The following ABCB8 variants were observed in gnomAD, a reference collection of about 807,000 sequenced individuals.
The protein encoded by ABCB8 is mitochondrial potassium channel ATP-binding subunit.
Under a neutral mutation model 73.0 loss-of-function variants are expected in ABCB8, and 52 were observed. The ratio of observed to expected loss-of-function variants is 0.71; its 90% confidence interval spans 0.57 to 0.90. The LOEUF is 0.90. ABCB8 is among the 40% of genes least tolerant of loss of function. ABCB8 has a pLI of 0.00. For synonymous variants in ABCB8, 428 were observed against 423.5 expected, an observed-to-expected ratio of 1.01 and a Z score of -0.13; for missense variants, 909 against 974.6, an observed-to-expected ratio of 0.93 and a Z score of 0.90.
intron 1 of ABCB8, chr7:151,033,378 T>G: frequency 7.2e-7 from 1 of 1,379,736 alleles, no homozygotes; most frequent in Admixed American, 3.1e-5. Flanking sequence ...GAATAAGACT[T>G]TTAAGACTAG....
Position 151,034,788 on chromosome 7 carries a change from G to C in ABCB8, c.724G>C (p.Val242Leu). Residue 242 changes from valine (V) to leucine (L), a missense_variant, in exon 5 of 16, where the codon GTG (valine) becomes CTG (leucine). Transcript: ENST00000358849. ...GCTGGTGAGCCGCTTGACAACTGAC[G>C]TGCAGGAGTTTAAGTCATCCTTCAA... ...GQLVSRLTTD[V>L]QEFKSSFKLV... The C allele has an allele frequency of 1.9e-6, 3 of 1,614,078 alleles. No homozygotes were observed. The highest frequency in any genetic ancestry group is 2.5e-6 in the Non-Finnish European group (3 of 1,179,968).
rs377682654 is a variant in ABCB8, at chr7:151,035,006, G to A, written c.765+177G>A. Among the ~76,000 whole-genome samples, 14 of 152,236 alleles carry A rather than the reference G, an allele frequency of 9.2e-5. No individual in the cohort carries two copies. In the East Asian group the frequency reaches 2.5e-3, roughly 27 times the overall value. On this transcript the variant is annotated intron_variant, in intron 5 of 15. Transcript: ENST00000358849. ...CCATGGAAGTTCATGGAAGGAAAGT[G>A]TAGAGGCAGTGTCCAAGGTCAGGAC...
intron 1 of ABCB8, chr7:151,032,713 T>A (rs1294324370): frequency 1.2e-5 from 2 of 169,864 alleles, no homozygotes; most frequent in Non-Finnish European, 2.6e-5. Flanking sequence ...AAAAACACAA[T>A]GTCTAGAATA....
intron 1 of ABCB8, chr7:151,029,047 G>A: frequency 8.8e-7 from 1 of 1,134,310 alleles, no homozygotes; most frequent in South Asian, 1.7e-5. Context: ...TAATAGGCCG[G>A]GCGCGGTGGC....
intron 1 of ABCB8, 109 bp downstream of exon 1, chr7:151,028,719 G>C (rs965778200): frequency 1.9e-6 from 3 of 1,547,640 alleles, no homozygotes; most frequent in Non-Finnish European, 2.6e-6. Context: ...GCTGGGAGCT[G>C]TAGGCCAGGC....
At chr7:151,035,494 C>T (rs1796277894) in intron 5 of ABCB8, 87 bp from the exon 6 acceptor site, 2 of 1,457,976 alleles carry the variant, frequency 1.4e-6, no homozygotes, top group South Asian at 1.3e-5. Flanking sequence ...CGTGGGAGTG[C>T]AGAGCTACAG....
In ABCB8 at chr7:151,034,273, C is replaced by G. The variant is rs756594037; in HGVS notation, c.409C>G (p.Leu137Val). 6.2e-7 allele frequency: 1 copy of G among 1,609,940 alleles called. No homozygotes were observed. Among genetic ancestry groups the G allele is most frequent in the Non-Finnish European group, 8.5e-7 (1 of 1,178,182 alleles). ...TGTGCCCTCTGTCTCCCCATTCCAG[C>G]TGGCCTTGGGTGCGGCACTCGTGAA... ...HLLVLGVAVV[L>V]ALGAALVNVQ... The change falls in exon 3 of 16, where the codon CTG becomes GTG. Residue 137 changes from leucine to valine, a missense_variant and splice_region_variant. Physicochemically the swap from Leu to Val is conservative, Grantham distance 32. Coordinates refer to ENST00000358849, the MANE Select transcript of ABCB8 (RefSeq NM_007188.5).
chr7:151,031,404 C>G (rs750822956), intron 1 of ABCB8: 50 of 1,382,622 alleles, frequency 3.6e-5, no homozygotes, highest in Non-Finnish European at 4.6e-5. Flanking sequence ...AAGGCACAGG[C>G]CTTCCTGAAA....
intron 2 of ABCB8, 150 bp downstream of exon 2, chr7:151,034,067 C>G: frequency 8.4e-7 from 1 of 1,187,850 alleles, no homozygotes; most frequent in Non-Finnish European, 1.1e-6. Context: ...AGCATCAACA[C>G]TGGGTGGCTG....
At chr7:151,032,893 T>G in intron 1 of ABCB8, 1 of 380,132 alleles carries the variant, frequency 2.6e-6, no homozygotes, top group Non-Finnish European at 5.5e-6. Flanking sequence ...GGAGGGGAGG[T>G]AGGGTAATGG....
rs768965078 is a variant in ABCB8 at position 151,036,602 on chromosome 7, A to G, written c.1170A>G (p.Thr390=). ...GGSLVAGQQL[T]GGDLMSFLVA... is the part of the protein sequence containing the mutation. ...CCCTTGTGGCCGGACAGCAGCTGAC[A>G]GGGGGAGACCTCATGTCCTTCCTGG... The change falls in exon 9 of 16, where the codon ACA becomes ACG. Residue 390 remains threonine (T), a synonymous_variant. Coordinates refer to ENST00000358849, the MANE Select transcript of ABCB8 (RefSeq NM_007188.5). 8.7e-6 allele frequency: 14 copies of G among 1,613,338 alleles called. No individual in the cohort carries two copies. In the East Asian group the frequency reaches 2.0e-4, roughly 23 times the overall value.
intron 6 of ABCB8, 33 bp downstream of exon 6, chr7:151,035,775 C>A: frequency 6.2e-7 from 1 of 1,610,784 alleles, no homozygotes; most frequent in African/African-American, 1.3e-5. Context: ...TCTTCACCCT[C>A]CCCACACCGT....
chr7:151,042,626 G>A (rs1024887637), intron 14 of ABCB8, among the ~76,000 whole-genome samples: 2 of 152,218 alleles, frequency 1.3e-5, no homozygotes, highest in Admixed American at 6.5e-5. Context: ...CTAGGAACAC[G>A]CAGCCTGGCA....
At chr7:151,036,282 C>G (rs760113622) in intron 8 of ABCB8, 112 bp downstream of exon 8, 6 of 1,124,344 alleles carry the variant, frequency 5.3e-6, no homozygotes, top group Non-Finnish European at 6.3e-6. Flanking sequence ...GCATTCGCCT[C>G]GGGCCAGCTG....
At chr7:151,034,058 G>C in intron 2 of ABCB8, 141 bp downstream of exon 2, 5 of 1,233,002 alleles carry the variant, frequency 4.1e-6, no homozygotes, top group Non-Finnish European at 5.5e-6. Context: ...GGTGCCAGGA[G>C]CATCAACACT....
chr7:151,037,264 C>T (rs770470478), intron 9 of ABCB8: 17 of 702,898 alleles, frequency 2.4e-5, no homozygotes, highest in African/African-American at 7.0e-5. Flanking sequence ...GCACCCTGTC[C>T]GAATTCCCTT....
intron 1 of ABCB8, among the ~76,000 whole-genome samples, chr7:151,030,240 G>A (rs915061030): frequency 6.6e-6 from 1 of 152,248 alleles, no homozygotes; most frequent in Non-Finnish European, 1.5e-5. Flanking sequence ...TATAGGCTGG[G>A]CACGGTGGCT....
chr7:151,033,658 G>A lies in ABCB8; in HGVS notation c.149G>A (p.Arg50Gln), dbSNP rs375303002. 1.8e-5 allele frequency: 29 copies of A among 1,605,180 alleles called. No individual in the cohort carries two copies. The highest frequency in any genetic ancestry group is 1.3e-4 in the East Asian group (6 of 44,594). ...SSLLRAVAHL[R>Q]SQLWAHLPRA... Reference sequence around the variant, plus strand: ...CTCCTCCGGGCCGTGGCCCACCTGCGGTCCCAGCTCTGGGCCCACCTCCCT... The same window carrying A: ...CTCCTCCGGGCCGTGGCCCACCTGCAGTCCCAGCTCTGGGCCCACCTCCCT... Residue 50 changes from arginine (R) to glutamine (Q), a missense_variant, in exon 2 of 16, where the codon CGG becomes CAG. Coordinates refer to ENST00000358849, the MANE Select transcript of ABCB8 (RefSeq NM_007188.5).
At chr7:151,037,098 C>T in intron 9 of ABCB8, 1 of 699,754 alleles carries the variant, frequency 1.4e-6, no homozygotes, top group South Asian at 1.5e-5. Context: ...ACATGGGAAT[C>T]CCCATTTGCC....
Sources: allele counts gnomAD v4.1 joint callset (sites outside exome capture counted in the v4.1 genomes callset), GRCh38; gene constraint gnomAD v4.1.1; transcripts MANE v1.5; gene names NCBI Gene and HGNC (gene_info 2026-07-23, HGNC 2026-07-21).